The following TDRD3 variants were observed in gnomAD, a reference collection of about 807,000 sequenced individuals.
TDRD3 encodes the protein tudor domain-containing protein 3.
Under a neutral mutation model 86.7 loss-of-function variants are expected in TDRD3, and 45 were observed. The ratio of observed to expected loss-of-function variants is 0.52; its 90% CI spans 0.41 to 0.67. The LOEUF (loss-of-function observed/expected upper bound fraction) is 0.67. Among genes scored for constraint, TDRD3 ranks in the 30% least tolerant of loss-of-function variants. The pLI, the probability that TDRD3 is intolerant of heterozygous loss-of-function variation, is 0.00. For synonymous variants in TDRD3, 298 were observed against 301.7 expected (o/e 0.99, Z 0.13); for missense variants, 814 against 889.0 (o/e 0.92, Z 1.07).
At chr13:60,495,719 C>T (rs556099000) in intron 8 of TDRD3, among the ~76,000 whole-genome samples, 4 of 152,118 alleles carry the variant, frequency 2.6e-5, no homozygotes, top group African/African-American at 4.8e-5. Context: ...CCCGCTTCTT[C>T]GGCCTCCCAA....
intron 7 of TDRD3, 23 bp downstream of exon 7, chr13:60,485,971 G>A (rs552359566): frequency 1.4e-5 from 22 of 1,576,248 alleles, no homozygotes; most frequent in Middle Eastern, 3.4e-4. Flanking sequence ...ATCATTACAC[G>A]TTTTATTTCT....
At chr13:60,453,289 A>G (rs760328600) in intron 3 of TDRD3, among the ~76,000 whole-genome samples, 10 of 152,218 alleles carry the variant, frequency 6.6e-5, no homozygotes, top group East Asian at 1.9e-4. Context: ...CATTTTCCCA[A>G]TGACTGACTA....
At chr13:60,416,609 A>G (rs765186352) in intron 1 of TDRD3, among the ~76,000 whole-genome samples, 11 of 152,140 alleles carry the variant, frequency 7.2e-5, no homozygotes, top group African/African-American at 1.9e-4. Flanking sequence ...ATTTGTTTGC[A>G]TTAGTCTTAC....
intron 12 of TDRD3, among the ~76,000 whole-genome samples, chr13:60,561,371 C>G (rs994579115): frequency 8.6e-5 from 13 of 151,992 alleles, no homozygotes; most frequent in African/African-American, 3.1e-4. Flanking sequence ...TCAAATCACT[C>G]CACCCAATTG....
At chr13:60,523,342 T>C (rs1230719977) in intron 10 of TDRD3, among the ~76,000 whole-genome samples, 1 of 152,198 alleles carries the variant, frequency 6.6e-6, no homozygotes, top group African/African-American at 2.4e-5. Context: ...AAGTTTATTC[T>C]TAATTATTCT....
intron 4 of TDRD3, among the ~76,000 whole-genome samples, chr13:60,461,541 A>G (rs1955803151): frequency 1.3e-5 from 2 of 151,954 alleles, no homozygotes; most frequent in Admixed American, 1.3e-4. Context: ...TTGTCATTTT[A>G]TACACTCACG....
At chr13:60,470,110 T>G (rs1051444121) in intron 5 of TDRD3, among the ~76,000 whole-genome samples, 1 of 152,202 alleles carries the variant, frequency 6.6e-6, no homozygotes, top group African/African-American at 2.4e-5. Flanking sequence ...ACGAAGTAAC[T>G]CATATGTGTG....
At chr13:60,410,611 C>T (rs1840606233) in intron 1 of TDRD3, among the ~76,000 whole-genome samples, 1 of 152,110 alleles carries the variant, frequency 6.6e-6, no homozygotes, top group Non-Finnish European at 1.5e-5. Context: ...CTCTAGGCTG[C>T]CTGCTGATTC....
rs1355949037 is a variant in TDRD3, at chr13:60,528,524, C to A, written c.1299C>A (p.Ser433=). 6.2e-7 allele frequency: 1 copy of A among 1,613,740 alleles called. No homozygotes were observed. Among genetic ancestry groups the A allele is most frequent in the Non-Finnish European group, 8.5e-7 (1 of 1,179,928 alleles). ...AACCGCCTCGTTTTCAAAGAGACTCCCAAAATTCAAAGTCAGTTTTAGAAG... is the reference window on the plus strand; with the variant it reads ...AACCGCCTCGTTTTCAAAGAGACTCACAAAATTCAAAGTCAGTTTTAGAAG... The part of the protein sequence containing the change: ...NEKPPRFQRD[S]QNSKSVLEGS... The change falls in exon 11 of 14, where the codon TCC becomes TCA. Residue 433 remains serine, a synonymous_variant. Transcript: ENST00000377881.
At chr13:60,453,882 T>C (rs958588023) in intron 3 of TDRD3, among the ~76,000 whole-genome samples, 10 of 152,196 alleles carry the variant, frequency 6.6e-5, no homozygotes, top group Non-Finnish European at 1.5e-4. Flanking sequence ...AAAAGACAAC[T>C]TCTTAATTCA....
At position 60,460,544 on chromosome 13, in the gene TDRD3, A is replaced by C. The variant is rs780249466; in HGVS notation, c.353+4A>C. On this transcript the variant is annotated splice_donor_region_variant and intron_variant, in intron 4 of 13. Coordinates refer to ENST00000377881, the MANE Select transcript of TDRD3 (RefSeq NM_001146070.2). ...TTAGTTATATGTCAAAAATAAGGTGATTGGCACTTTATTTTGTGTATTTGT... is the reference window on the plus strand; with the variant it reads ...TTAGTTATATGTCAAAAATAAGGTGCTTGGCACTTTATTTTGTGTATTTGT... 1 of 1,532,594 alleles carries C rather than the reference A, an allele frequency of 6.5e-7. No individual in the cohort carries two copies. The highest frequency in any genetic ancestry group is 1.3e-5 in the South Asian group (1 of 77,204). The allele number at this position is 1,532,594 out of a possible 1,614,324, so 94.9% of individuals were successfully genotyped here.
intron 12 of TDRD3, among the ~76,000 whole-genome samples, chr13:60,548,864 C>T (rs1566295435): frequency 6.6e-6 from 1 of 152,040 alleles, no homozygotes; most frequent in Admixed American, 6.6e-5. Flanking sequence ...AACTTTTAAA[C>T]CAGTAATCCC....
At chr13:60,459,986 A>T (rs1182485526) in intron 3 of TDRD3, among the ~76,000 whole-genome samples, 1 of 152,096 alleles carries the variant, frequency 6.6e-6, no homozygotes, top group African/African-American at 2.4e-5. Context: ...AAAGTTCTTT[A>T]TTTTCAAGGT....
intron 8 of TDRD3, among the ~76,000 whole-genome samples, chr13:60,500,782 G>T (rs1190087205): frequency 6.6e-6 from 1 of 152,188 alleles, no homozygotes; most frequent in East Asian, 1.9e-4. Flanking sequence ...CACTCTGAGT[G>T]GTCAAAAACT....
At chr13:60,484,729 G>A in intron 6 of TDRD3, 1 of 455,350 alleles carries the variant, frequency 2.2e-6, no homozygotes, top group Non-Finnish European at 4.4e-6. Context: ...AAGAAAGTGT[G>A]AAGTCCTATG....
At chr13:60,492,219 A>G (rs1956603867) in intron 7 of TDRD3, among the ~76,000 whole-genome samples, 1 of 152,228 alleles carries the variant, frequency 6.6e-6, no homozygotes, top group African/African-American at 2.4e-5. Flanking sequence ...TTTCACTGGC[A>G]CCAAAGGAAA....
chr13:60,422,408 A>G (rs1452695692), intron 1 of TDRD3, among the ~76,000 whole-genome samples: 1 of 152,210 alleles, frequency 6.6e-6, no homozygotes, highest in Non-Finnish European at 1.5e-5. Flanking sequence ...ATATTTCTAA[A>G]TCAGGAAACA....
At chr13:60,476,987 A>G (rs1956198989) in intron 5 of TDRD3, among the ~76,000 whole-genome samples, 1 of 151,956 alleles carries the variant, frequency 6.6e-6, no homozygotes, top group Non-Finnish European at 1.5e-5. Context: ...ATAGAATGAT[A>G]TCATCAGCAA....
intron 3 of TDRD3, among the ~76,000 whole-genome samples, chr13:60,448,466 A>C (rs1397671045): frequency 2.6e-5 from 4 of 152,184 alleles, no homozygotes; most frequent in Non-Finnish European, 4.4e-5. Context: ...TCTTCTTAAC[A>C]TACTTTTCAA....
Sources: gnomAD v4.1 joint callset for allele counts (sites outside exome capture counted in the v4.1 genomes callset) on GRCh38, gnomAD v4.1.1 for gene constraint, MANE v1.5 for transcripts, NCBI Gene and HGNC (gene_info 2026-07-23, HGNC 2026-07-21) for gene names.